Variants in RBFOX3 observed in about 807,000 individuals in gnomAD.
RBFOX3 encodes the protein RNA binding fox-1 homolog 3, also known as RNA binding protein fox-1 homolog 3.
A neutral mutation model predicts 48.7 loss-of-function variants in RBFOX3; 17 were observed. The ratio of observed to expected loss-of-function variants is 0.35; its 90% confidence interval spans 0.24 to 0.52. The LOEUF is 0.52. Ranked by LOEUF, RBFOX3 falls within the 20% of genes least tolerant of loss-of-function variation. The pLI, the probability that RBFOX3 is intolerant of heterozygous loss-of-function variation, is 0.94. For missense variants in RBFOX3, 382 were observed against 497.5 expected (o/e 0.77, Z 2.21); for synonymous variants, 212 against 209.5 (o/e 1.01, Z -0.10).
At chr17:79,460,902 A>G (rs782065684) in intron 2 of RBFOX3, among the ~76,000 whole-genome samples, 1 of 152,196 alleles carries the variant, frequency 6.6e-6, no homozygotes, top group Non-Finnish European at 1.5e-5. Context: ...AGTCTGTAGT[A>G]TTCTATTACA....
chr17:79,439,775 C>A (rs1555733610), intron 2 of RBFOX3, among the ~76,000 whole-genome samples: 1 of 152,260 alleles, frequency 6.6e-6, no homozygotes. Context: ...TACATGCATG[C>A]ACACACACAT....
chr17:79,605,475 C>T (rs1027044990), intron 1 of RBFOX3, among the ~76,000 whole-genome samples: 6,987 of 152,120 alleles, frequency 0.046, 256 homozygotes, highest in East Asian at 0.23. Context: ...GTGGGCTCAC[C>T]TCCCCAAATA....
the RBFOX3 span, among the ~76,000 whole-genome samples, chr17:79,641,099 C>T: frequency 1.3e-5 from 2 of 152,124 alleles, no homozygotes; most frequent in African/African-American, 4.8e-5. Flanking sequence ...ACTCAAACAA[C>T]TTAATAGCAA....
At chr17:79,381,635 A>T (rs988248635) in intron 2 of RBFOX3, among the ~76,000 whole-genome samples, 1 of 152,066 alleles carries the variant, frequency 6.6e-6, no homozygotes, top group African/African-American at 2.4e-5. Flanking sequence ...GTGTGAATAA[A>T]CTGACCACCT....
intron 4 of RBFOX3, among the ~76,000 whole-genome samples, chr17:79,150,128 G>C (rs538868885): frequency 4.7e-5 from 7 of 150,468 alleles, no homozygotes; most frequent in Admixed American, 2.7e-4. Flanking sequence ...TATCCACAGG[G>C]GAGGGGCAAC....
At chr17:79,658,993 CAGTCG>C in the RBFOX3 span, among the ~76,000 whole-genome samples, 1 of 152,180 alleles carries the variant, frequency 6.6e-6, no homozygotes, top group South Asian at 2.1e-4. Context: ...GTTTATATCA[CAGTCG>C]AGTGTGGTCC....
At chr17:79,144,689 G>A (rs147743727) in intron 4 of RBFOX3, among the ~76,000 whole-genome samples, 4 of 152,240 alleles carry the variant, frequency 2.6e-5, no homozygotes, top group Non-Finnish European at 4.4e-5. Flanking sequence ...CCCGAACGCC[G>A]AGTGCCTCCT....
At chr17:79,439,733 C>A (rs530992381) in intron 2 of RBFOX3, among the ~76,000 whole-genome samples, 3 of 152,244 alleles carry the variant, frequency 2.0e-5, no homozygotes, top group Non-Finnish European at 4.4e-5. Flanking sequence ...CACCACACAC[C>A]GTGCATATGC....
intron 2 of RBFOX3, among the ~76,000 whole-genome samples, chr17:79,456,960 C>A (rs2074599354): frequency 6.6e-6 from 1 of 152,240 alleles, no homozygotes; most frequent in Non-Finnish European, 1.5e-5. Flanking sequence ...GTCCTTCCAA[C>A]AGTTAGTCAT....
chr17:79,148,855 G>C (rs991190747), intron 4 of RBFOX3, among the ~76,000 whole-genome samples: 2 of 152,228 alleles, frequency 1.3e-5, no homozygotes, highest in African/African-American at 4.8e-5. Context: ...CAGAGGATGG[G>C]AAAGGCTGAG....
rs368845299 is a variant in RBFOX3, at chr17:79,479,600, G to T, written c.-175+2854C>A. Among the ~76,000 whole-genome samples the T allele has an allele frequency of 8.7e-4, 132 of 152,374 alleles. 3 individuals are homozygous for T. In the East Asian group the frequency reaches 0.02, roughly 23 times the overall value. ...GACAGTGAACACACCGAGGGAAGCA[G>T]CTCAGGTCCAAAAGAGCTTGTGGGG... On this transcript the variant is annotated intron_variant, in intron 2 of 14. Coordinates refer to ENST00000693108, the MANE Select transcript of RBFOX3 (RefSeq NM_001350451.2). This position sits in a 1 kb window ranked among gnomAD's most constrained non-coding sequence, Gnocchi z 5.1.
chr17:79,570,953 G>A (rs2092655479), intron 1 of RBFOX3, among the ~76,000 whole-genome samples: 1 of 152,208 alleles, frequency 6.6e-6, no homozygotes, highest in South Asian at 2.1e-4. Context: ...CTTACTGAAG[G>A]ATGAGGGGGG....
At chr17:79,210,032 C>A (rs1379092138) in intron 4 of RBFOX3, among the ~76,000 whole-genome samples, 1 of 151,570 alleles carries the variant, frequency 6.6e-6, no homozygotes, top group Non-Finnish European at 1.5e-5. Flanking sequence ...GAAAGGACAG[C>A]GTTTCTGTGT....
intron 2 of RBFOX3, among the ~76,000 whole-genome samples, chr17:79,401,682 G>C (rs763138333): frequency 5.3e-5 from 8 of 152,176 alleles, no homozygotes; most frequent in African/African-American, 1.9e-4. Flanking sequence ...CGTTCGCTGA[G>C]CCTGCTCCGT....
intron 4 of RBFOX3, among the ~76,000 whole-genome samples, chr17:79,225,614 A>AGCCCAGTGCTCG (rs58495686): frequency 0.2 from 29,971 of 152,026 alleles, 3,829 homozygotes; most frequent in African/African-American, 0.37. Context: ...GTAAGTGCTC[A>AGCCCAGTGCTCG]GCTGCTGGAT....
intron 4 of RBFOX3, among the ~76,000 whole-genome samples, chr17:79,148,819 C>T (rs982281598): frequency 1.3e-5 from 2 of 152,214 alleles, no homozygotes; most frequent in African/African-American, 4.8e-5. Flanking sequence ...GCGGGCCTGG[C>T]TGGGGTAGGC....
In RBFOX3 at chr17:79,249,428, T is replaced by C. The variant is rs1020381867; in HGVS notation, c.-73-13623A>G. 2.6e-5 allele frequency among the ~76,000 whole-genome samples: 4 copies of C among 152,098 alleles called. No homozygotes were observed. The highest frequency in any genetic ancestry group is 5.9e-5 in the Non-Finnish European group (4 of 68,020). On this transcript the variant is annotated intron_variant, in intron 3 of 14. Transcript: ENST00000693108. The surrounding 1 kb of genome is among the most constrained non-coding windows in gnomAD (Gnocchi z 4.1). ...TTGACATCTGAAGCCTTGCTGGCCC[T>C]GGGGAGACGGCTCCTCCCAAAGTAG...
At chr17:79,346,751 T>G (rs574459704) in intron 2 of RBFOX3, among the ~76,000 whole-genome samples, 2 of 152,230 alleles carry the variant, frequency 1.3e-5, no homozygotes, top group Non-Finnish European at 2.9e-5. Flanking sequence ...CTTCATAAAG[T>G]TGTACATTTT....
rs150748177 is a variant in RBFOX3, at chr17:79,249,033, G to T, written c.-73-13228C>A. 6.6e-6 allele frequency among the ~76,000 whole-genome samples: 1 copy of T among 152,192 alleles called. No homozygotes were observed. The highest frequency in any genetic ancestry group is 2.4e-5 in the African/African-American group (1 of 41,454). On this transcript the variant is annotated intron_variant, in intron 3 of 14. Coordinates refer to ENST00000693108, the MANE Select transcript of RBFOX3 (RefSeq NM_001350451.2). The surrounding 1 kb of genome is among the most constrained non-coding windows in gnomAD (Gnocchi z 4.1). The stretch of plus-strand genomic sequence containing the variant: ...CGGCTGGGATGCGGTGCGGTCTTCC[G>T]CCAGCGGGGCCAGAACCCAGAGCGA...
Sources: allele counts gnomAD v4.1 joint callset (sites outside exome capture counted in the v4.1 genomes callset), GRCh38; gene constraint gnomAD v4.1.1; non-coding constraint Gnocchi (gnomAD v3.1); transcripts MANE v1.5; gene names NCBI Gene and HGNC (gene_info 2026-07-23, HGNC 2026-07-21).